TMEM108: variants seen among roughly 807,000 people sequenced by gnomAD.
TMEM108 encodes the protein cancer/testis antigen 124.
In TMEM108, 12 loss-of-function variants were observed where a neutral mutation model predicts 35.1. The ratio of observed to expected loss-of-function variants is 0.34; its 90% CI spans 0.22 to 0.55. TMEM108 has a LOEUF of 0.55. Among genes scored for constraint, TMEM108 ranks in the 20% least tolerant of loss-of-function variants. The probability of loss-of-function intolerance (pLI) is 0.89; values close to 1 mark genes in which losing one functional copy is unlikely to be tolerated. For missense variants in TMEM108, 680 were observed against 753.3 expected, an observed-to-expected ratio of 0.90 and a Z score of 1.14; for synonymous variants, 287 against 308.6, an observed-to-expected ratio of 0.93 and a Z score of 0.73.
chr3:133,389,830 CTAAA>C (rs1386944770), intron 4 of TMEM108: 6 of 220,270 alleles, frequency 2.7e-5, no homozygotes, highest in Admixed American at 5.3e-5. Context: ...CTTTATGGGG[CTAAA>C]TAGAGGATTA....
chr3:133,292,700 A>G (rs1284832257), intron 3 of TMEM108, among the ~76,000 whole-genome samples: 1 of 152,148 alleles, frequency 6.6e-6, no homozygotes, highest in African/African-American at 2.4e-5. Context: ...CAAACTCTAA[A>G]GCACCAAAGC....
chr3:133,340,019 A>T (rs2071614641), intron 3 of TMEM108, among the ~76,000 whole-genome samples: 1 of 151,672 alleles, frequency 6.6e-6, no homozygotes, highest in South Asian at 2.1e-4. Flanking sequence ...CAAATAAACG[A>T]CCTAATATTA....
intron 4 of TMEM108, chr3:133,388,866 G>A: frequency 5.1e-6 from 5 of 985,914 alleles, no homozygotes; most frequent in Non-Finnish European, 6.0e-6. Flanking sequence ...CACCCCTGAT[G>A]CTGGCCAGAC....
chr3:133,303,745 C>G (rs542464652), intron 3 of TMEM108, among the ~76,000 whole-genome samples: 4 of 152,208 alleles, frequency 2.6e-5, no homozygotes, highest in Non-Finnish European at 5.9e-5. Context: ...CTTTGAAAAA[C>G]TTTCTGCTAT....
At chr3:133,386,183 C>T (rs2073144212) in intron 4 of TMEM108, among the ~76,000 whole-genome samples, 1 of 152,228 alleles carries the variant, frequency 6.6e-6, no homozygotes, top group Non-Finnish European at 1.5e-5. Context: ...ATTTTCATGG[C>T]TGCAACCTCG....
intron 2 of TMEM108, among the ~76,000 whole-genome samples, chr3:133,207,216 G>A (rs890176582): frequency 6.6e-6 from 1 of 152,146 alleles, no homozygotes; most frequent in Non-Finnish European, 1.5e-5. Context: ...GTCCCTCAAG[G>A]CTTCCCTTAG....
intron 3 of TMEM108, among the ~76,000 whole-genome samples, chr3:133,358,316 C>T (rs775950257): frequency 3.3e-5 from 5 of 152,036 alleles, no homozygotes; most frequent in African/African-American, 1.2e-4. Context: ...GGATTACAAG[C>T]GCGAACCACT....
chr3:133,342,544 G>GTGTATATA (rs1437254898), intron 3 of TMEM108, among the ~76,000 whole-genome samples: 1,638 of 46,682 alleles, frequency 0.035, 362 homozygotes, highest in Non-Finnish European at 0.054. Context: ...AGAAAATGTG[G>GTGTATATA]TATATATATA....
chr3:133,178,995 A>G (rs1484732441), intron 2 of TMEM108, among the ~76,000 whole-genome samples: 47 of 151,996 alleles, frequency 3.1e-4, no homozygotes, highest in Admixed American at 9.8e-4. Flanking sequence ...AGTGGGCGAA[A>G]GATATGAACA....
chr3:133,067,501 A>T (rs1943624211), intron 2 of TMEM108, among the ~76,000 whole-genome samples: 1 of 152,202 alleles, frequency 6.6e-6, no homozygotes, highest in African/African-American at 2.4e-5. Flanking sequence ...CACCTGCTTT[A>T]GCTCTCTGAA....
chr3:133,236,929 A>T (rs988005353), intron 3 of TMEM108, among the ~76,000 whole-genome samples: 1 of 152,250 alleles, frequency 6.6e-6, no homozygotes, highest in African/African-American at 2.4e-5. Flanking sequence ...AAGCAATTTG[A>T]CTAAACTAAG....
At chr3:133,362,918 T>C (rs1559928210) in intron 3 of TMEM108, among the ~76,000 whole-genome samples, 1 of 152,192 alleles carries the variant, frequency 6.6e-6, no homozygotes, top group Non-Finnish European at 1.5e-5. Context: ...AATTTGTTCT[T>C]GGCTCTCTTT....
At chr3:133,233,113 A>C (rs1325114752) in intron 3 of TMEM108, among the ~76,000 whole-genome samples, 1 of 151,712 alleles carries the variant, frequency 6.6e-6, no homozygotes, top group Non-Finnish European at 1.5e-5. Context: ...ATATGTATAC[A>C]TGTGCCATGC....
chr3:133,157,887 T>C lies in TMEM108; in HGVS notation c.-46-71379T>C, dbSNP rs138960228. On this transcript the variant is annotated intron_variant, in intron 2 of 5. Transcript: ENST00000321871. ...CGGTTCTGGATAACAATTAGCTGAGTGTGACTCTGTTGAAAGGCTGGTTAG... is the reference window on the plus strand; with the variant it reads ...CGGTTCTGGATAACAATTAGCTGAGCGTGACTCTGTTGAAAGGCTGGTTAG... Among the ~76,000 whole-genome samples, 532 of 152,298 alleles carry C rather than the reference T, an allele frequency of 3.5e-3. 3 individuals are homozygous for C. The highest frequency in any genetic ancestry group is 0.012 in the African/African-American group (505 of 41,568).
chr3:133,185,909 A>G (rs1008592033), intron 2 of TMEM108, among the ~76,000 whole-genome samples: 6 of 151,488 alleles, frequency 4.0e-5, no homozygotes, highest in Non-Finnish European at 7.4e-5. Flanking sequence ...CTGGGATTAC[A>G]GGCACATGCC....
At chr3:133,153,791 G>A (rs1944835696) in intron 2 of TMEM108, among the ~76,000 whole-genome samples, 1 of 152,152 alleles carries the variant, frequency 6.6e-6, no homozygotes, top group African/African-American at 2.4e-5. Flanking sequence ...GCAAACCGAA[G>A]TCTGCAAATG....
chr3:133,298,533 G>A (rs2107701020), intron 3 of TMEM108, among the ~76,000 whole-genome samples: 1 of 152,272 alleles, frequency 6.6e-6, no homozygotes, highest in East Asian at 1.9e-4. Context: ...TGTAAAAGCT[G>A]TAAAATTCTT....
intron 3 of TMEM108, among the ~76,000 whole-genome samples, chr3:133,255,243 A>G (rs1408121403): frequency 6.6e-6 from 1 of 152,226 alleles, no homozygotes; most frequent in Non-Finnish European, 1.5e-5. Flanking sequence ...TGTTGCATCC[A>G]TTTTAGAGAC....
chr3:133,055,777 G>A (rs9872312), intron 2 of TMEM108, among the ~76,000 whole-genome samples: 56,005 of 151,996 alleles, frequency 0.37, 10,896 homozygotes, highest in Admixed American at 0.45. Flanking sequence ...CCCTTTAGAG[G>A]GCCCATCACA....
Sources: allele counts gnomAD v4.1 joint callset (sites outside exome capture counted in the v4.1 genomes callset), GRCh38; gene constraint gnomAD v4.1.1; transcripts MANE v1.5; gene names NCBI Gene and HGNC (gene_info 2026-07-23, HGNC 2026-07-21).